TAFA2: variants seen among roughly 807,000 people sequenced by gnomAD.
TAFA2 encodes chemokine-like protein TAFA-2.
Under a neutral mutation model 18.8 loss-of-function variants are expected in TAFA2, and 7 were observed. That is an observed-to-expected ratio of 0.37 (90% CI 0.21 to 0.70). The LOEUF is 0.70. TAFA2 is among the 30% of genes least tolerant of loss of function. TAFA2 has a pLI of 0.53. For synonymous variants in TAFA2, 60 were observed against 54.2 expected (o/e 1.11, Z -0.47); for missense variants, 122 against 158.1 (o/e 0.77, Z 1.23).
chr12:62,033,325 T>C (rs1018824486), intron 1 of TAFA2, among the ~76,000 whole-genome samples: 5 of 152,186 alleles, frequency 3.3e-5, no homozygotes, highest in Admixed American at 2.6e-4. Flanking sequence ...AAAACCCTAA[T>C]ATTAGGAAAT....
chr12:61,922,661 A>C (rs2121369371), intron 1 of TAFA2, among the ~76,000 whole-genome samples: 1 of 152,264 alleles, frequency 6.6e-6, no homozygotes, highest in South Asian at 2.1e-4. Flanking sequence ...CAAGCACAAA[A>C]CAGGGCGACC....
intron 1 of TAFA2, among the ~76,000 whole-genome samples, chr12:62,068,173 ATC>A (rs1882540627): frequency 6.6e-6 from 1 of 152,116 alleles, no homozygotes; most frequent in South Asian, 2.1e-4. Context: ...TCTAACACAA[ATC>A]AGAACAGATC....
At chr12:61,744,200 C>T (rs1453309805) in intron 4 of TAFA2, among the ~76,000 whole-genome samples, 1 of 152,098 alleles carries the variant, frequency 6.6e-6, no homozygotes, top group Non-Finnish European at 1.5e-5. Context: ...ATGTACCTTG[C>T]AGTTGTAAAT....
intron 1 of TAFA2, among the ~76,000 whole-genome samples, chr12:61,951,911 A>G (rs1350608812): frequency 6.6e-6 from 1 of 152,048 alleles, no homozygotes; most frequent in Non-Finnish European, 1.5e-5. Context: ...AGCTAAATAA[A>G]TCTTAACTAA....
At chr12:61,859,961 G>T (rs1874061027) in intron 2 of TAFA2, among the ~76,000 whole-genome samples, 1 of 152,126 alleles carries the variant, frequency 6.6e-6, no homozygotes, top group Non-Finnish European at 1.5e-5. Flanking sequence ...ATAAAAAAGA[G>T]AAAAGAATCA....
At chr12:62,028,113 T>C (rs1389944487) in intron 1 of TAFA2, among the ~76,000 whole-genome samples, 2 of 152,130 alleles carry the variant, frequency 1.3e-5, no homozygotes, top group Non-Finnish European at 2.9e-5. Flanking sequence ...CAATGTCTCT[T>C]GTGTTTTTGT....
At chr12:61,733,123 G>A (rs919341760) in intron 4 of TAFA2, among the ~76,000 whole-genome samples, 1 of 152,002 alleles carries the variant, frequency 6.6e-6, no homozygotes, top group African/African-American at 2.4e-5. Context: ...GGGGTTGTTT[G>A]TTTTTTTCTT....
At chr12:62,238,261 T>C (rs544100091) in intron 1 of TAFA2, among the ~76,000 whole-genome samples, 16 of 152,328 alleles carry the variant, frequency 1.1e-4, no homozygotes, top group Admixed American at 2.6e-4. Flanking sequence ...CAGTGCTTTG[T>C]GGTCCTAGGG....
chr12:62,223,349 T>C (rs1199593176), intron 1 of TAFA2, among the ~76,000 whole-genome samples: 2 of 152,082 alleles, frequency 1.3e-5, no homozygotes, highest in African/African-American at 4.8e-5. Context: ...CTGGCTAATA[T>C]TTTGTGTGTG....
intron 2 of TAFA2, among the ~76,000 whole-genome samples, chr12:61,860,155 T>C (rs1028777157): frequency 1.3e-5 from 2 of 152,202 alleles, no homozygotes; most frequent in Admixed American, 1.3e-4. Flanking sequence ...TTAAACCAGA[T>C]GAAAAGATGT....
At chr12:61,722,789 C>T (rs1244430273) in intron 4 of TAFA2, among the ~76,000 whole-genome samples, 1 of 152,044 alleles carries the variant, frequency 6.6e-6, no homozygotes, top group Non-Finnish European at 1.5e-5. Flanking sequence ...TACTCTTGGT[C>T]CCACTACTAC....
intron 1 of TAFA2, among the ~76,000 whole-genome samples, chr12:62,032,420 G>A (rs1233136542): frequency 1.3e-5 from 2 of 152,066 alleles, no homozygotes; most frequent in East Asian, 3.8e-4. Context: ...TCTGAGGACT[G>A]TTTTGCAAAT....
chr12:62,197,371 A>G (rs541783479), upstream of TAFA2, among the ~76,000 whole-genome samples: 126 of 152,360 alleles, frequency 8.3e-4, 1 homozygote, highest in African/African-American at 2.6e-3. Flanking sequence ...ACTCTATCAT[A>G]GCTTTCCATG....
intron 1 of TAFA2, among the ~76,000 whole-genome samples, chr12:62,020,955 T>C (rs1410054917): frequency 2.0e-5 from 3 of 152,228 alleles, no homozygotes; most frequent in Non-Finnish European, 2.9e-5. Context: ...TAAAGTTTTA[T>C]TTGAACTCAG....
intron 1 of TAFA2, among the ~76,000 whole-genome samples, chr12:62,043,932 C>T (rs1881837989): frequency 6.6e-6 from 1 of 152,112 alleles, no homozygotes; most frequent in African/African-American, 2.4e-5. Flanking sequence ...CGAGGGAAAG[C>T]ACAGAAAAGT....
intron 2 of TAFA2, among the ~76,000 whole-genome samples, chr12:61,830,199 T>C (rs971339430): frequency 6.6e-6 from 1 of 150,428 alleles, no homozygotes; most frequent in Admixed American, 6.7e-5. Flanking sequence ...TATATGTATA[T>C]GGTATGTATA....
chr12:62,211,579 CAA>C (rs10708260), intron 1 of TAFA2, among the ~76,000 whole-genome samples: 275 of 128,156 alleles, frequency 2.1e-3, no homozygotes, highest in Middle Eastern at 4.1e-3. Context: ...GGCTCCGTCT[CAA>C]AAAAAAAAAA....
intron 2 of TAFA2, among the ~76,000 whole-genome samples, chr12:61,866,789 T>A (rs905434513): frequency 6.6e-6 from 1 of 152,156 alleles, no homozygotes; most frequent in African/African-American, 2.4e-5. Context: ...AAAATTTACA[T>A]ATAGACATAT....
intron 1 of TAFA2, among the ~76,000 whole-genome samples, chr12:61,906,332 A>T (rs760980758): frequency 1.3e-5 from 2 of 152,154 alleles, no homozygotes; most frequent in Non-Finnish European, 2.9e-5. Context: ...TGCAGTTCTC[A>T]TGATAGTGAA....
Sources: gnomAD v4.1 joint callset for allele counts (sites outside exome capture counted in the v4.1 genomes callset) on GRCh38, gnomAD v4.1.1 for gene constraint, MANE v1.5 for transcripts, NCBI Gene and HGNC (gene_info 2026-07-23, HGNC 2026-07-21) for gene names.